SIK2: variants seen among roughly 807,000 people sequenced by gnomAD.
The protein encoded by SIK2 is serine/threonine-protein kinase SIK2.
In SIK2, 29 loss-of-function variants were observed where a neutral mutation model predicts 103.2. The ratio of observed to expected loss-of-function variants is 0.28; its 90% CI spans 0.21 to 0.38. SIK2 has a LOEUF of 0.38. Ranked by LOEUF, SIK2 falls within the 10% of genes least tolerant of loss-of-function variation. The probability of loss-of-function intolerance (pLI) is 1.00; values close to 1 mark genes in which losing one functional copy is unlikely to be tolerated. For synonymous variants in SIK2, 412 were observed against 446.1 expected (o/e 0.92, Z 0.96); for missense variants, 879 against 1,171.0 (o/e 0.75, Z 3.64).
At chr11:111,715,495 C>G (rs1475512668) in intron 9 of SIK2, among the ~76,000 whole-genome samples, 5 of 152,188 alleles carry the variant, frequency 3.3e-5, no homozygotes, top group African/African-American at 1.2e-4. Context: ...CTTCAGCTCT[C>G]CTTCCCTCCC....
In SIK2 at chr11:111,726,804, AGT is replaced by A; in HGVS notation, c.*2680_*2681del. 1 of 636,048 alleles carries A rather than the reference AGT, an allele frequency of 1.6e-6. No homozygotes were observed. Among genetic ancestry groups the A allele is most frequent in the East Asian group, 2.7e-5 (1 of 36,468 alleles). The allele number at this position is 636,048 out of a possible 1,614,324, so 39.4% of individuals were successfully genotyped here. On this transcript the variant is annotated 3_prime_UTR_variant, in exon 15 of 15. Coordinates refer to ENST00000304987, the MANE Select transcript of SIK2 (RefSeq NM_015191.3). ...GCTTTCCAGTCTGATTCACGTTAGC[AGT>A]GTGTACACTACTGTATCATCATCAG...
intron 3 of SIK2, among the ~76,000 whole-genome samples, chr11:111,683,685 C>T (rs1487270304): frequency 6.6e-6 from 1 of 152,090 alleles, no homozygotes; most frequent in Admixed American, 6.5e-5. Context: ...CTCCTGACCT[C>T]AGGTGATCCG....
chr11:111,616,681 T>A (rs1227635832), intron 2 of SIK2, among the ~76,000 whole-genome samples: 1 of 151,946 alleles, frequency 6.6e-6, no homozygotes, highest in East Asian at 1.9e-4. Context: ...TACCAAAAAA[T>A]ATATATATAC....
intron 3 of SIK2, among the ~76,000 whole-genome samples, chr11:111,644,759 A>T (rs1942232882): frequency 6.6e-6 from 1 of 152,212 alleles, no homozygotes; most frequent in Non-Finnish European, 1.5e-5. Flanking sequence ...TTCTTCACAT[A>T]TATATACATA....
chr11:111,669,574 G>A (rs140894516), intron 3 of SIK2, among the ~76,000 whole-genome samples: 2,226 of 64,922 alleles, frequency 0.034, 25 homozygotes, highest in Middle Eastern at 0.14. Context: ...CTCCCGCCCC[G>A]CCTCCATCTC....
chr11:111,645,646 C>T (rs747907888), intron 3 of SIK2, among the ~76,000 whole-genome samples: 3 of 151,926 alleles, frequency 2.0e-5, no homozygotes, highest in Non-Finnish European at 4.4e-5. Context: ...CGTGGAGAAA[C>T]CAAATCTCTA....
Position 111,705,093 on chromosome 11 carries a change from G to C in SIK2, c.1055G>C (p.Gly352Ala). The change falls in exon 8 of 15, where the codon GGC (glycine) becomes GCC (alanine). Residue 352 changes from glycine to alanine, a missense_variant. Around this residue, in one of 7 missense-constraint regions of SIK2, gnomAD observed 99 missense variants for 153.9 expected, o/e 0.64. Transcript: ENST00000304987. The surrounding 1 kb of genome is among the most constrained non-coding windows in gnomAD (Gnocchi z 4.3). ...SSFPVEQRLD[G>A]RQRRPSTIAE... Reference sequence around the variant, plus strand: ...TTCCCAGTGGAGCAGAGACTTGATGGCCGCCAGCGTCGGCCTAGCACCATT... The same window carrying C: ...TTCCCAGTGGAGCAGAGACTTGATGCCCGCCAGCGTCGGCCTAGCACCATT... The C allele has an allele frequency of 6.2e-7, 1 of 1,605,432 alleles. No individual in the cohort carries two copies.
In SIK2 at chr11:111,726,925, G is replaced by A; in HGVS notation, c.*2796G>A. On this transcript the variant is annotated 3_prime_UTR_variant, in exon 15 of 15. Transcript: ENST00000304987. ...GTTCGGCAAAAAGTGCAATATGTGT[G>A]GTACTTTATTTTTTATGTTCTTTTT... is the stretch of plus-strand genomic sequence containing the variant. 1 of 1,593,518 alleles carries A rather than the reference G, an allele frequency of 6.3e-7. No individual in the cohort carries two copies.
At chr11:111,669,779 C>T (rs1565344257) in intron 3 of SIK2, among the ~76,000 whole-genome samples, 2 of 152,158 alleles carry the variant, frequency 1.3e-5, no homozygotes, top group Non-Finnish European at 2.9e-5. Flanking sequence ...CTTTCGAATG[C>T]ATCATTTCCT....
chr11:111,634,766 C>T (rs1168856268), intron 3 of SIK2, among the ~76,000 whole-genome samples: 1 of 152,170 alleles, frequency 6.6e-6, no homozygotes, highest in Non-Finnish European at 1.5e-5. Flanking sequence ...ATGATCTGCC[C>T]CGTCTTCCTT....
At chr11:111,641,600 A>G (rs1942183910) in intron 3 of SIK2, among the ~76,000 whole-genome samples, 1 of 151,974 alleles carries the variant, frequency 6.6e-6, no homozygotes, top group Non-Finnish European at 1.5e-5. Context: ...TCATTAATTC[A>G]TTTTCAGCTC....
intron 3 of SIK2, among the ~76,000 whole-genome samples, chr11:111,663,232 CAAA>C (rs34283287): frequency 4.4e-4 from 62 of 141,674 alleles, no homozygotes; most frequent in African/African-American, 1.4e-3. Flanking sequence ...GACCCTATTT[CAAA>C]AAAAAAAAAA....
Position 111,724,139 on chromosome 11 carries a change from A to G in SIK2, c.*10A>G. ...TGTCCTGGTGAATTAGTCTCAGCAC[A>G]GGAATTGAGGTGGGTCAGGTGAAGG... On this transcript the variant is annotated 3_prime_UTR_variant, in exon 15 of 15. Coordinates refer to ENST00000304987, the MANE Select transcript of SIK2 (RefSeq NM_015191.3). 6.2e-7 allele frequency: 1 copy of G among 1,600,874 alleles called. No homozygotes were observed. The highest frequency in any genetic ancestry group is 2.2e-5 in the East Asian group (1 of 44,674).
At position 111,688,274 on chromosome 11, in the gene SIK2, G is replaced by A. The variant is rs1372063252; in HGVS notation, c.478+112G>A. ...GCAGCATTTCTACCTGATGACATCA[G>A]GCTATCTCAAAGTCCATTTTATTCA... On this transcript the variant is annotated intron_variant, in intron 4 of 14. Coordinates refer to ENST00000304987, the MANE Select transcript of SIK2 (RefSeq NM_015191.3). This position sits in a 1 kb window ranked among gnomAD's most constrained non-coding sequence, Gnocchi z 4.2. The A allele has an allele frequency of 2.8e-6, 3 of 1,059,156 alleles. No individual in the cohort carries two copies. In the African/African-American group the frequency reaches 4.7e-5, roughly 17 times the overall value. The allele number at this position is 1,059,156 out of a possible 1,614,324, so 65.6% of individuals were successfully genotyped here. A position where few individuals can be genotyped will look rare whatever the true frequency, so the allele number is the denominator to read the frequency against.
chr11:111,694,523 A>G (rs1160639690), intron 4 of SIK2, among the ~76,000 whole-genome samples: 1 of 152,130 alleles, frequency 6.6e-6, no homozygotes, highest in Non-Finnish European at 1.5e-5. Context: ...AGGTTTCTGT[A>G]TATATGATTT....
Position 111,724,196 on chromosome 11 carries a change from T to C in SIK2, c.*67T>C, listed in dbSNP as rs528413558. ...GTATGTTCCTATTTTTATTCCAGCC[T>C]TTTAAATTTAAAGCTTATTTTCTTG... On this transcript the variant is annotated 3_prime_UTR_variant, in exon 15 of 15. Coordinates refer to ENST00000304987, the MANE Select transcript of SIK2 (RefSeq NM_015191.3). 21 of 1,526,902 alleles carry C rather than the reference T, an allele frequency of 1.4e-5. No homozygotes were observed. The South Asian group carries it at 2.6e-4, about 19-fold the overall frequency. The allele number at this position is 1,526,902 out of a possible 1,614,324, so 94.6% of individuals were successfully genotyped here.
At chr11:111,604,562 C>T (rs1387510950) in intron 1 of SIK2, among the ~76,000 whole-genome samples, 1 of 152,164 alleles carries the variant, frequency 6.6e-6, no homozygotes, top group Non-Finnish European at 1.5e-5. Context: ...CCGTTTTAAA[C>T]TAATATATCT....
At chr11:111,689,984 G>GTATA (rs34362451) in intron 4 of SIK2, among the ~76,000 whole-genome samples, 1 of 148,660 alleles carries the variant, frequency 6.7e-6, no homozygotes, top group African/African-American at 2.5e-5. Flanking sequence ...GTGTGTATGT[G>GTATA]TATATATATA....
chr11:111,602,541 C>A lies in SIK2; in HGVS notation c.-23C>A. 1 of 1,486,264 alleles carries A rather than the reference C, an allele frequency of 6.7e-7. No homozygotes were observed. Among genetic ancestry groups the A allele is most frequent in the South Asian group, 1.3e-5 (1 of 78,354 alleles). The allele number at this position is 1,486,264 out of a possible 1,614,324, so 92.1% of individuals were successfully genotyped here. On this transcript the variant is annotated 5_prime_UTR_variant, in exon 1 of 15. Transcript: ENST00000304987. This position sits in a 1 kb window ranked among gnomAD's most constrained non-coding sequence, Gnocchi z 4.5. ...CCCGCCCGCCCGCGCTCCTGTCCGCCGTGTCTAGCAGCGGGGCCCAGCATG... is the reference window on the plus strand; with the variant it reads ...CCCGCCCGCCCGCGCTCCTGTCCGCAGTGTCTAGCAGCGGGGCCCAGCATG...
Sources: gnomAD v4.1 joint callset for allele counts (sites outside exome capture counted in the v4.1 genomes callset) on GRCh38, gnomAD v4.1.1 for gene constraint, gnomAD v4.1.1 regional missense constraint, Gnocchi (gnomAD v3.1) non-coding constraint, MANE v1.5 for transcripts, NCBI Gene and HGNC (gene_info 2026-07-23, HGNC 2026-07-21) for gene names.